CCDC13: variants seen among roughly 807,000 people sequenced by gnomAD.
CCDC13 encodes the protein coiled-coil domain-containing protein 13.
CCDC13 carries 70 observed loss-of-function variants against 87.3 expected under a neutral mutation model. The ratio of observed to expected loss-of-function variants is 0.80; its 90% CI spans 0.66 to 0.98. The LOEUF is 0.98. CCDC13 is among the 50% of genes least tolerant of loss of function. CCDC13 has a pLI of 0.00. For missense variants in CCDC13, 842 were observed against 892.0 expected (o/e 0.94, Z 0.71); for synonymous variants, 317 against 360.3 (o/e 0.88, Z 1.36).
chr3:42,758,487 G>C (rs769891027), intron 1 of CCDC13, 136 bp from the exon 2 acceptor site: 3 of 786,070 alleles, frequency 3.8e-6, no homozygotes, highest in Non-Finnish European at 6.0e-6. Context: ...AAGCTTGGAA[G>C]CTCCACCCTC....
intron 3 of CCDC13, among the ~76,000 whole-genome samples, chr3:42,754,413 G>T (rs572475624): frequency 2.2e-4 from 33 of 152,310 alleles, no homozygotes; most frequent in Middle Eastern, 3.4e-3. Context: ...GGCACACTTT[G>T]CTCCCTGGCT....
At chr3:42,716,304 C>T (rs1328522578) in intron 13 of CCDC13, among the ~76,000 whole-genome samples, 1 of 150,880 alleles carries the variant, frequency 6.6e-6, no homozygotes, top group East Asian at 1.9e-4. Flanking sequence ...TCCAAGGAAC[C>T]AATGATTTTT....
intron 13 of CCDC13, among the ~76,000 whole-genome samples, chr3:42,722,827 C>G (rs560900429): frequency 7.4e-6 from 1 of 135,428 alleles, no homozygotes; most frequent in African/African-American, 2.8e-5. Flanking sequence ...AGACGAGTCT[C>G]GCTCAGTCAC....
chr3:42,738,593 G>A (rs1027689305), intron 9 of CCDC13, among the ~76,000 whole-genome samples: 1 of 152,178 alleles, frequency 6.6e-6, no homozygotes, highest in African/African-American at 2.4e-5. Flanking sequence ...TCATTGAGCA[G>A]TGGTTTGTAG....
chr3:42,736,054 A>G, intron 9 of CCDC13, 141 bp from the exon 10 acceptor site: 1 of 728,468 alleles, frequency 1.4e-6, no homozygotes, highest in South Asian at 1.8e-5. Context: ...AGGCAGGAAC[A>G]CCTTCCTTGC....
intron 1 of CCDC13, among the ~76,000 whole-genome samples, chr3:42,764,072 T>C (rs1699886700): frequency 6.6e-6 from 1 of 152,216 alleles, no homozygotes; most frequent in African/African-American, 2.4e-5. Context: ...AAAGAGTTAC[T>C]ATAAATAGAA....
intron 9 of CCDC13, among the ~76,000 whole-genome samples, 200 bp downstream of exon 9, chr3:42,739,434 C>G (rs990508555): frequency 6.6e-6 from 1 of 152,220 alleles, no homozygotes; most frequent in African/African-American, 2.4e-5. Context: ...CAGCCCCCTA[C>G]CTGCCCTCAG....
At position 42,745,940 on chromosome 3, in the gene CCDC13, G is replaced by C. The variant is rs778676589; in HGVS notation, c.808C>G (p.Leu270Val). 1.7e-5 allele frequency: 27 copies of C among 1,613,656 alleles called. No individual in the cohort carries two copies. In the South Asian group the frequency reaches 3.0e-4, roughly 18 times the overall value. ...GTWRGRAQQI[L>V]VLQSKVQELE... Reference sequence around the variant, plus strand: ...TCACTCACCTTGCTCTGCAAAACAAGAATTTGTTGAGCCCGACCCCTCCAG... The same window carrying C: ...TCACTCACCTTGCTCTGCAAAACAACAATTTGTTGAGCCCGACCCCTCCAG... The change falls in exon 7 of 16, where the codon CTT (leucine) becomes GTT (valine). Residue 270 changes from leucine (L) to valine (V), a missense_variant. Transcript: ENST00000310232.
intron 8 of CCDC13, 99 bp from the exon 9 acceptor site, chr3:42,739,909 G>A: frequency 8.6e-7 from 1 of 1,160,074 alleles, no homozygotes; most frequent in Non-Finnish European, 1.2e-6. Flanking sequence ...CGGGGCTGGG[G>A]GTGGGGGTGC....
At chr3:42,722,490 A>G (rs576952992) in intron 13 of CCDC13, among the ~76,000 whole-genome samples, 4 of 152,326 alleles carry the variant, frequency 2.6e-5, no homozygotes, top group African/African-American at 9.6e-5. Context: ...CACAAAATAC[A>G]GGTCATAAAG....
Position 42,749,083 on chromosome 3 carries a change from C to T in CCDC13, c.604-1710G>A, listed in dbSNP as rs1301522473. 3.9e-5 allele frequency among the ~76,000 whole-genome samples: 6 copies of T among 152,046 alleles called. 1 individual carries two copies. Among genetic ancestry groups the T allele is most frequent in the Non-Finnish European group, 8.8e-5 (6 of 67,998 alleles). On this transcript the variant is annotated intron_variant, in intron 5 of 15. Transcript: ENST00000310232. ...CATCCTTTTTTTTAAAGTATATTTT[C>T]TTCTGTGTTCTTCCTCCTGTCTGGC...
intron 10 of CCDC13, 123 bp downstream of exon 10, chr3:42,735,584 C>A (rs951045866): frequency 2.4e-5 from 25 of 1,021,026 alleles, no homozygotes; most frequent in Non-Finnish European, 3.3e-5. Context: ...AAGCAGGTGG[C>A]CAAAGTGGAG....
intron 13 of CCDC13, among the ~76,000 whole-genome samples, chr3:42,729,361 C>T (rs1163593953): frequency 1.3e-5 from 2 of 152,240 alleles, no homozygotes; most frequent in African/African-American, 4.8e-5. Flanking sequence ...TTCACATCAT[C>T]TCTATGTACT....
intron 4 of CCDC13, 106 bp downstream of exon 4, chr3:42,752,469 A>G (rs183276680): frequency 7.0e-7 from 1 of 1,438,226 alleles, no homozygotes; most frequent in East Asian, 2.3e-5. Context: ...AAGCCTCTTA[A>G]CCTTCCAACT....
intron 12 of CCDC13, chr3:42,732,545 A>G (rs1315961472): frequency 3.2e-6 from 1 of 313,286 alleles, no homozygotes; most frequent in Non-Finnish European, 5.9e-6. Flanking sequence ...GTGGGAACCC[A>G]TATCATGTGA....
intron 13 of CCDC13, among the ~76,000 whole-genome samples, chr3:42,720,822 CA>C (rs1698543114): frequency 6.6e-6 from 1 of 152,256 alleles, no homozygotes; most frequent in Non-Finnish European, 1.5e-5. Context: ...AATAAAAGCA[CA>C]ACAGGTTTTT....
In CCDC13 at chr3:42,728,274, C is replaced by T. The variant is rs140158189; in HGVS notation, c.1718+2193G>A. Among the ~76,000 whole-genome samples, 744 of 152,202 alleles carry T rather than the reference C, an allele frequency of 4.9e-3. 7 individuals are homozygous for T. Among genetic ancestry groups the T allele is most frequent in the African/African-American group, 0.017 (716 of 41,504 alleles). On this transcript the variant is annotated intron_variant, in intron 13 of 15. Transcript: ENST00000310232. ...GGGTGGGGGCAGCCACGCAGAGCAC[C>T]CTGGGATGCTGGGATGAGCACACAG...
At chr3:42,741,743 A>T (rs72865746) in intron 8 of CCDC13, among the ~76,000 whole-genome samples, 3,368 of 152,236 alleles carry the variant, frequency 0.022, 145 homozygotes, top group East Asian at 0.18. Context: ...TCTAAAAAAA[A>T]ACAAAAACCG....
Position 42,758,163 on chromosome 3 carries a change from G to A in CCDC13, c.183C>T (p.His61=), listed in dbSNP as rs753389713. 4.0e-5 allele frequency: 65 copies of A among 1,614,040 alleles called. No individual in the cohort carries two copies. Among genetic ancestry groups the A allele is most frequent in the Middle Eastern group, 1.7e-4 (1 of 6,040 alleles). ...LEVSDGLSLL[H]AGEPNSKNSF... ...TATTTTTCGAGTTTGGCTCCCCTGC[G>A]TGGAGAAGGCTGAGGCCATCTGAAA... is the stretch of plus-strand genomic sequence containing the variant. The change falls in exon 2 of 16, where the codon CAC becomes CAT. Residue 61 remains histidine, a synonymous_variant. Transcript: ENST00000310232.
Sources: gnomAD v4.1 joint callset for allele counts (sites outside exome capture counted in the v4.1 genomes callset) on GRCh38, gnomAD v4.1.1 for gene constraint, MANE v1.5 for transcripts, NCBI Gene and HGNC (gene_info 2026-07-23, HGNC 2026-07-21) for gene names.